The following DNPEP variants were observed in gnomAD, a reference collection of about 807,000 sequenced individuals.
DNPEP encodes the protein aspartyl aminopeptidase.
Under a neutral mutation model 59.1 loss-of-function variants are expected in DNPEP, and 46 were observed. The ratio of observed to expected loss-of-function variants is 0.78; its 90% CI spans 0.61 to 0.99. The LOEUF (loss-of-function observed/expected upper bound fraction) is 0.99, where lower values mean the gene tolerates loss of function less well. Ranked by LOEUF, DNPEP falls within the 50% of genes least tolerant of loss-of-function variation. The pLI, the probability that DNPEP is intolerant of heterozygous loss-of-function variation, is 0.00. For synonymous variants in DNPEP, 229 were observed against 242.2 expected (o/e 0.95, Z 0.50); for missense variants, 617 against 649.9 (o/e 0.95, Z 0.55).
At position 219,378,738 on chromosome 2, in the gene DNPEP, C is replaced by T. The variant is rs553801014; in HGVS notation, c.1239+2597G>A. Among the ~76,000 whole-genome samples, 3 of 151,920 alleles carry T rather than the reference C, an allele frequency of 2.0e-5. No homozygotes were observed. In the East Asian group the frequency reaches 5.8e-4, roughly 29 times the overall value. ...AAATTCCTGTCGCCTAGTGACATCA[C>T]AGCTGTTGCGATGTTGTGGCATAAT... On this transcript the variant is annotated intron_variant, in intron 13 of 14. Transcript: ENST00000273075.
At chr2:219,387,184 G>A in intron 1 of DNPEP, 21 bp from the exon 2 acceptor site, 1 of 1,550,860 alleles carries the variant, frequency 6.4e-7, no homozygotes, top group Non-Finnish European at 8.7e-7. Flanking sequence ...GGGATGCTCA[G>A]ACTTTTACAA....
chr2:219,393,283 T>A (rs1440223484), upstream of DNPEP, among the ~76,000 whole-genome samples: 1 of 152,138 alleles, frequency 6.6e-6, no homozygotes, highest in African/African-American at 2.4e-5. Flanking sequence ...GCTTACTTTT[T>A]TTTTTAGTTT....
At chr2:219,386,432 G>A in intron 4 of DNPEP, 21 bp from the exon 5 acceptor site, 2 of 1,614,122 alleles carry the variant, frequency 1.2e-6, no homozygotes, top group Non-Finnish European at 1.7e-6. Context: ...AGATGGAGAA[G>A]TCAGAGAAGG....
At chr2:219,395,460 G>T (rs1321713479) in intron 1 of DNPEP, among the ~76,000 whole-genome samples, 1 of 152,196 alleles carries the variant, frequency 6.6e-6, no homozygotes, top group Non-Finnish European at 1.5e-5. Context: ...GGGCTCAGAG[G>T]TTCCTCATAG....
chr2:219,372,137 T>C lies in DNPEP; in HGVS notation c.*2155A>G, dbSNP rs140436764. The stretch of plus-strand genomic sequence containing the variant: ...GAATAAATAATGACCATCTATACAA[T>C]AAAATACTGTACGCCAATTGTAAGA... On this transcript the variant is annotated 3_prime_UTR_variant, in exon 15 of 15. Coordinates refer to ENST00000273075, the MANE Select transcript of DNPEP (RefSeq NM_012100.4). Among the ~76,000 whole-genome samples the C allele has an allele frequency of 1.5e-3, 234 of 152,270 alleles. No individual in the cohort carries two copies. The highest frequency in any genetic ancestry group is 3.4e-3 in the Middle Eastern group (1 of 294).
rs1047210962 is a variant in DNPEP at position 219,373,288 on chromosome 2, G to A, written c.*1004C>T. On this transcript the variant is annotated 3_prime_UTR_variant, in exon 15 of 15. Coordinates refer to ENST00000273075, the MANE Select transcript of DNPEP (RefSeq NM_012100.4). ...TCTCCATGTTGGTCAGGCTGGTCTT[G>A]AACTCCCGACCTCAGGTGATCCGCC... 6.6e-6 allele frequency among the ~76,000 whole-genome samples: 1 copy of A among 151,928 alleles called. No individual in the cohort carries two copies. The highest frequency in any genetic ancestry group is 1.5e-5 in the Non-Finnish European group (1 of 67,994).
chr2:219,387,967 C>T, upstream of DNPEP: 1 of 1,325,552 alleles, frequency 7.5e-7, no homozygotes, highest in South Asian at 1.7e-5. Flanking sequence ...TCTCCCCGCC[C>T]CTCGGCATCC....
In DNPEP at chr2:219,374,871, G is replaced by T. The variant is rs762092049; in HGVS notation, c.1391C>A (p.Thr464Asn). 7 of 1,614,140 alleles carry T rather than the reference G, an allele frequency of 4.3e-6. No individual in the cohort carries two copies. In the South Asian group the frequency reaches 6.6e-5, roughly 15 times the overall value. Reference sequence around the variant, plus strand: ...GGGTGTTACCTTGAAGAGGGTGAGGGTCTGGAGGACTCCTGTGGTGCAGGC... The same window carrying T: ...GGGTGTTACCTTGAAGAGGGTGAGGTTCTGGAGGACTCCTGTGGTGCAGGC... ...EMACTTGVLQ[T>N]LTLFKGFFEL... The change falls in exon 14 of 15, where the codon ACC becomes AAC. Residue 464 changes from threonine to asparagine, a missense_variant. Coordinates refer to ENST00000273075, the MANE Select transcript of DNPEP (RefSeq NM_012100.4).
chr2:219,379,749 C>A (rs183245694), intron 13 of DNPEP, among the ~76,000 whole-genome samples: 1 of 151,770 alleles, frequency 6.6e-6, no homozygotes, highest in Non-Finnish European at 1.5e-5. Flanking sequence ...GGTGAAACCC[C>A]GTCTCTACTA....
chr2:219,395,733 G>A (rs951647546), intron 1 of DNPEP, among the ~76,000 whole-genome samples: 2 of 152,254 alleles, frequency 1.3e-5, no homozygotes, highest in Admixed American at 1.3e-4. Flanking sequence ...CCTTCACAAA[G>A]CCTTCCCTAG....
At position 219,386,368 on chromosome 2, in the gene DNPEP, A is replaced by AGAC; in HGVS notation, c.376_377insGTC (p.Val126delinsGlyLeu). The AGAC allele has an allele frequency of 6.2e-7, 1 of 1,614,210 alleles. No homozygotes were observed. Among genetic ancestry groups the AGAC allele is most frequent in the Non-Finnish European group, 8.5e-7 (1 of 1,180,038 alleles). ...CCCACCACCATAGGTCTCCACACCG[A>AGAC]CTTGCTGGAAGCCCACCTGGCTGCG... On this transcript the variant is annotated protein_altering_variant, in exon 5 of 15. Transcript: ENST00000273075.
chr2:219,382,774 A>G (rs1159990887), intron 10 of DNPEP, among the ~76,000 whole-genome samples: 2 of 152,186 alleles, frequency 1.3e-5, no homozygotes, highest in Non-Finnish European at 2.9e-5. Context: ...TACATGAGAG[A>G]GCACTAGCTG....
chr2:219,392,799 C>T (rs1004149098), upstream of DNPEP, among the ~76,000 whole-genome samples: 2 of 152,210 alleles, frequency 1.3e-5, no homozygotes, highest in African/African-American at 4.8e-5. Flanking sequence ...TGTGAACCAC[C>T]GCGTCCAGCC....
At chr2:219,375,787 T>C (rs4674386) in intron 13 of DNPEP, among the ~76,000 whole-genome samples, 131,185 of 152,150 alleles carry the variant, frequency 0.86, 56,643 homozygotes, top group Non-Finnish European at 0.88. Flanking sequence ...TTCTCGAACT[T>C]CTGACTTCAA....
Position 219,373,774 on chromosome 2 carries a change from G to A in DNPEP, c.*518C>T, listed in dbSNP as rs4672926. Reference sequence around the variant, plus strand: ...GAAGTGGATGATGAAGGGTGATAAGGTATAGACTGTGCCCTTCTCTTTGCA... The same window carrying A: ...GAAGTGGATGATGAAGGGTGATAAGATATAGACTGTGCCCTTCTCTTTGCA... On this transcript the variant is annotated 3_prime_UTR_variant, in exon 15 of 15. Coordinates refer to ENST00000273075, the MANE Select transcript of DNPEP (RefSeq NM_012100.4). 0.82 allele frequency: 130,736 copies of A among 158,480 alleles called. 54,330 individuals are homozygous for A. Among genetic ancestry groups the A allele is most frequent in the Non-Finnish European group, 0.87 (62,647 of 71,872 alleles). 9.8% of individuals were successfully genotyped at this position (158,480 alleles called of 1,614,324 possible).
intron 11 of DNPEP, 152 bp from the exon 12 acceptor site, chr2:219,381,736 G>C: frequency 2.1e-6 from 2 of 965,706 alleles, no homozygotes. Context: ...AGGGTTCCGG[G>C]CAGCCTCTAG....
chr2:219,376,506 GA>G (rs576280343), intron 13 of DNPEP, among the ~76,000 whole-genome samples: 51 of 147,008 alleles, frequency 3.5e-4, no homozygotes, highest in Non-Finnish European at 4.8e-4. Flanking sequence ...AAAAGAAAAA[GA>G]AAAAAAAAGG....
chr2:219,390,014 T>C (rs958181809), upstream of DNPEP, among the ~76,000 whole-genome samples: 2 of 152,168 alleles, frequency 1.3e-5, no homozygotes, highest in Non-Finnish European at 2.9e-5. Context: ...TTTAATGTTC[T>C]TTCTGATCAC....
upstream of DNPEP, among the ~76,000 whole-genome samples, chr2:219,391,106 T>C (rs983527579): frequency 6.6e-6 from 1 of 152,238 alleles, no homozygotes; most frequent in African/African-American, 2.4e-5. Flanking sequence ...TGACTTTGCC[T>C]GAGGGGTCAA....
Sources: allele counts gnomAD v4.1 joint callset (sites outside exome capture counted in the v4.1 genomes callset), GRCh38; gene constraint gnomAD v4.1.1; transcripts MANE v1.5; gene names NCBI Gene and HGNC (gene_info 2026-07-23, HGNC 2026-07-21).